Variants in CLNK observed in about 807,000 individuals in gnomAD.
CLNK encodes cytokine dependent hematopoietic cell linker, also known as cytokine-dependent hematopoietic cell linker.
Under a neutral mutation model 68.6 loss-of-function variants are expected in CLNK, and 74 were observed. The ratio of observed to expected loss-of-function variants is 1.08; its 90% CI spans 0.89 to 1.31. The LOEUF (loss-of-function observed/expected upper bound fraction) is 1.31, where lower values mean the gene tolerates loss of function less well. Among genes scored for constraint, CLNK ranks in the 50% most tolerant of loss-of-function variants. The pLI, the probability that CLNK is intolerant of heterozygous loss-of-function variation, is 0.00. For synonymous variants in CLNK, 198 were observed against 172.2 expected (o/e 1.15, Z -1.17); for missense variants, 553 against 515.3 (o/e 1.07, Z -0.71).
rs543651496 is a variant in CLNK at position 10,557,580 on chromosome 4, G to A, written c.445+827C>T. 1.8e-3 allele frequency among the ~76,000 whole-genome samples: 272 copies of A among 152,294 alleles called. 1 individual carries two copies. Among genetic ancestry groups the A allele is most frequent in the African/African-American group, 6.3e-3 (260 of 41,562 alleles). On this transcript the variant is annotated intron_variant, in intron 8 of 18. Coordinates refer to ENST00000226951, the MANE Select transcript of CLNK (RefSeq NM_052964.4). ...GCCAGCCCCGCTGCTGTCAGCCATG[G>A]TTCTTGTGCCATTCTTTGTTCTTCC... is the stretch of plus-strand genomic sequence containing the variant.
the CLNK span, among the ~76,000 whole-genome samples, chr4:10,721,987 G>A: frequency 1.3e-5 from 2 of 152,086 alleles, no homozygotes; most frequent in African/African-American, 2.4e-5. Context: ...GACCATCGTG[G>A]GAAGCATAGT....
At chr4:10,734,542 C>A in the CLNK span, among the ~76,000 whole-genome samples, 4 of 152,180 alleles carry the variant, frequency 2.6e-5, no homozygotes, top group African/African-American at 9.7e-5. Flanking sequence ...GAAGACACAG[C>A]AATTTAGCAA....
At chr4:10,734,294 T>A in the CLNK span, among the ~76,000 whole-genome samples, 1 of 152,244 alleles carries the variant, frequency 6.6e-6, no homozygotes, top group Non-Finnish European at 1.5e-5. Flanking sequence ...TACGATTGAT[T>A]GCATAGTTCC....
chr4:10,640,333 T>G (rs115253497), intron 2 of CLNK, among the ~76,000 whole-genome samples: 4,254 of 152,240 alleles, frequency 0.028, 208 homozygotes, highest in African/African-American at 0.089. Flanking sequence ...CCCAACTAAC[T>G]TTTGTATTTT....
the CLNK span, among the ~76,000 whole-genome samples, chr4:10,702,501 G>T: frequency 6.6e-6 from 1 of 152,164 alleles, no homozygotes; most frequent in Admixed American, 6.6e-5. Flanking sequence ...CACATCACAG[G>T]ATGGATAGAG....
At chr4:10,702,631 G>C in the CLNK span, among the ~76,000 whole-genome samples, 27 of 152,310 alleles carry the variant, frequency 1.8e-4, no homozygotes, top group Non-Finnish European at 2.9e-4. Context: ...GCATTCTGGA[G>C]GAGGTAGTCG....
chr4:10,575,463 T>G (rs759166317), intron 4 of CLNK, among the ~76,000 whole-genome samples: 5 of 152,236 alleles, frequency 3.3e-5, no homozygotes, highest in Non-Finnish European at 5.9e-5. Flanking sequence ...CAAGCAAAAA[T>G]TAAAGAGCGC....
chr4:10,505,526 T>C (rs111542431), intron 17 of CLNK, among the ~76,000 whole-genome samples: 1 of 152,226 alleles, frequency 6.6e-6, no homozygotes, highest in African/African-American at 2.4e-5. Flanking sequence ...TATTCTCTTA[T>C]AGTTCTGGAG....
chr4:10,597,061 T>C (rs781081627), intron 3 of CLNK, among the ~76,000 whole-genome samples: 5 of 152,232 alleles, frequency 3.3e-5, no homozygotes, highest in Non-Finnish European at 7.3e-5. Flanking sequence ...AAGTATTCTA[T>C]CATCTTACCA....
At chr4:10,563,258 A>G (rs915011328) in intron 7 of CLNK, among the ~76,000 whole-genome samples, 5 of 152,242 alleles carry the variant, frequency 3.3e-5, no homozygotes, top group African/African-American at 1.2e-4. Context: ...CTAAAAAAGA[A>G]TAGTGAAATC....
At chr4:10,563,347 T>C (rs1719971987) in intron 7 of CLNK, among the ~76,000 whole-genome samples, 1 of 152,034 alleles carries the variant, frequency 6.6e-6, no homozygotes, top group Admixed American at 6.5e-5. Flanking sequence ...CTATACAGAG[T>C]TTCTGGGATG....
At chr4:10,582,019 G>C (rs879802611) in intron 4 of CLNK, among the ~76,000 whole-genome samples, 1 of 152,160 alleles carries the variant, frequency 6.6e-6, no homozygotes, top group Non-Finnish European at 1.5e-5. Context: ...ACATGGGCTA[G>C]AAAATATTCA....
chr4:10,631,484 T>C (rs1199596726), intron 2 of CLNK, among the ~76,000 whole-genome samples: 1 of 152,138 alleles, frequency 6.6e-6, no homozygotes, highest in Non-Finnish European at 1.5e-5. Context: ...GCTGTAAGTT[T>C]TGCAGATCTT....
chr4:10,580,446 G>A (rs986161260), intron 4 of CLNK, among the ~76,000 whole-genome samples: 41 of 152,180 alleles, frequency 2.7e-4, no homozygotes, highest in African/African-American at 9.2e-4. Flanking sequence ...AGGCCCTTTC[G>A]GAGGGATTCC....
At chr4:10,591,082 A>G (rs771594475) in intron 3 of CLNK, among the ~76,000 whole-genome samples, 32 of 152,156 alleles carry the variant, frequency 2.1e-4, no homozygotes, top group Admixed American at 1.7e-3. Context: ...ATGGTTTGGA[A>G]ATGCACAGTG....
At chr4:10,547,742 A>G (rs1406574204) in intron 8 of CLNK, among the ~76,000 whole-genome samples, 1 of 152,164 alleles carries the variant, frequency 6.6e-6, no homozygotes, top group African/African-American at 2.4e-5. Context: ...ATTCTACAGC[A>G]TCATTTTTCT....
chr4:10,692,927 A>G, the CLNK span, among the ~76,000 whole-genome samples: 1 of 152,232 alleles, frequency 6.6e-6, no homozygotes, highest in Non-Finnish European at 1.5e-5. Context: ...ACTGGTCCAT[A>G]CTAAGTCTTA....
At chr4:10,660,431 C>T (rs192920359) in intron 2 of CLNK, among the ~76,000 whole-genome samples, 4 of 152,228 alleles carry the variant, frequency 2.6e-5, no homozygotes, top group Admixed American at 2.0e-4. Context: ...ATATCCAATA[C>T]CATTTACCGT....
At chr4:10,628,310 TTG>T (rs1163154339) in intron 2 of CLNK, among the ~76,000 whole-genome samples, 3 of 81,006 alleles carry the variant, frequency 3.7e-5, no homozygotes, top group South Asian at 4.2e-4. Context: ...TTAGTTAGAC[TTG>T]TTTTTTTTTT....
Sources: allele counts gnomAD v4.1 joint callset (sites outside exome capture counted in the v4.1 genomes callset), GRCh38; gene constraint gnomAD v4.1.1; transcripts MANE v1.5; gene names NCBI Gene and HGNC (gene_info 2026-07-23, HGNC 2026-07-21).